Variants in CHST11 observed in about 807,000 individuals in gnomAD.
The protein encoded by CHST11 is carbohydrate sulfotransferase 11.
CHST11 carries 9 observed loss-of-function variants against 30.4 expected under a neutral mutation model. The observed-to-expected ratio is 0.30, with a 90% confidence interval of 0.18 to 0.52. The LOEUF is 0.52. Ranked by LOEUF, CHST11 falls within the 20% of genes least tolerant of loss-of-function variation. The probability of loss-of-function intolerance (pLI) is 0.97; values close to 1 mark genes in which losing one functional copy is unlikely to be tolerated. For synonymous variants in CHST11, 152 were observed against 187.8 expected (o/e 0.81, Z 1.56); for missense variants, 348 against 460.6 (o/e 0.76, Z 2.24).
rs563475167 is a variant in CHST11, at chr12:104,714,860, A to G, written c.205-42089A>G. On this transcript the variant is annotated intron_variant, in intron 2 of 2. Transcript: ENST00000303694. ...TTTCCTCATCTGTAAAATGAGAATGATAACAGTATCCTAGAGTACTCAGTT... is the reference window on the plus strand; with the variant it reads ...TTTCCTCATCTGTAAAATGAGAATGGTAACAGTATCCTAGAGTACTCAGTT... 2.0e-5 allele frequency among the ~76,000 whole-genome samples: 3 copies of G among 152,344 alleles called. No homozygotes were observed. In the South Asian group the frequency reaches 6.2e-4, roughly 32 times the overall value.
intron 2 of CHST11, among the ~76,000 whole-genome samples, chr12:104,719,226 A>G (rs2040155054): frequency 6.6e-6 from 1 of 152,216 alleles, no homozygotes; most frequent in African/African-American, 2.4e-5. Flanking sequence ...CCCAGCTTGA[A>G]TACATGCTCA....
chr12:104,669,354 G>A (rs572612582), intron 2 of CHST11, among the ~76,000 whole-genome samples: 4 of 152,314 alleles, frequency 2.6e-5, no homozygotes, highest in East Asian at 1.9e-4. Context: ...GGTATTTATC[G>A]CTATTTGGAG....
At chr12:104,635,025 C>T (rs1351059004) in intron 2 of CHST11, among the ~76,000 whole-genome samples, 2 of 152,156 alleles carry the variant, frequency 1.3e-5, no homozygotes, top group Non-Finnish European at 2.9e-5. Context: ...AGGCAGCATT[C>T]ACCCTCAGGA....
At chr12:104,493,633 T>A (rs1422195726) in intron 1 of CHST11, among the ~76,000 whole-genome samples, 1 of 152,186 alleles carries the variant, frequency 6.6e-6, no homozygotes, top group Non-Finnish European at 1.5e-5. Flanking sequence ...CTTCCTTCCT[T>A]GCCGTCTCTA....
intron 2 of CHST11, among the ~76,000 whole-genome samples, chr12:104,733,117 C>G (rs1362152140): frequency 6.6e-6 from 1 of 152,244 alleles, no homozygotes; most frequent in East Asian, 1.9e-4. Context: ...TGCACCTTGT[C>G]TCCAGGGTGT....
intron 2 of CHST11, among the ~76,000 whole-genome samples, chr12:104,662,435 G>T (rs1592824138): frequency 6.6e-6 from 1 of 152,190 alleles, no homozygotes; most frequent in Non-Finnish European, 1.5e-5. Flanking sequence ...TATCATTGCG[G>T]TTAGTGATAA....
At chr12:104,708,225 A>C (rs575427669) in intron 2 of CHST11, among the ~76,000 whole-genome samples, 123 of 152,336 alleles carry the variant, frequency 8.1e-4, no homozygotes, top group African/African-American at 2.8e-3. Flanking sequence ...CTTGGGTTCA[A>C]ATCTCCACAG....
At chr12:104,530,202 A>C (rs2038168386) in intron 1 of CHST11, among the ~76,000 whole-genome samples, 1 of 152,180 alleles carries the variant, frequency 6.6e-6, no homozygotes. Context: ...GATACTGGGG[A>C]CAACTTGCAG....
In CHST11 at chr12:104,730,504, G is replaced by A. The variant is rs77846845; in HGVS notation, c.205-26445G>A. Among the ~76,000 whole-genome samples, 867 of 152,278 alleles carry A rather than the reference G, an allele frequency of 5.7e-3. 5 individuals are homozygous for A. The highest frequency in any genetic ancestry group is 9.3e-3 in the Non-Finnish European group (630 of 68,026). On this transcript the variant is annotated intron_variant, in intron 2 of 2. Transcript: ENST00000303694. ...GGCACCAAGAGCTCATGATGGGCCCGGATGGGTATGAAATAGCCTCCTGTG... is the reference window on the plus strand; with the variant it reads ...GGCACCAAGAGCTCATGATGGGCCCAGATGGGTATGAAATAGCCTCCTGTG...
At chr12:104,627,492 C>T (rs915310922) in intron 2 of CHST11, among the ~76,000 whole-genome samples, 3 of 152,198 alleles carry the variant, frequency 2.0e-5, no homozygotes, top group Admixed American at 6.5e-5. Context: ...CAGATCAGCG[C>T]ATACTCTCCC....
chr12:104,751,594 A>G (rs984776093), intron 2 of CHST11, among the ~76,000 whole-genome samples: 5 of 152,236 alleles, frequency 3.3e-5, no homozygotes, highest in Non-Finnish European at 5.9e-5. Flanking sequence ...TGAGATTCCT[A>G]TCCAGGCGTT....
At chr12:104,616,254 T>C (rs1483018209) in intron 2 of CHST11, among the ~76,000 whole-genome samples, 1 of 152,096 alleles carries the variant, frequency 6.6e-6, no homozygotes, top group Non-Finnish European at 1.5e-5. Context: ...GGCTGTACTT[T>C]AGAAGCAAAA....
chr12:104,693,416 C>T (rs894978174), intron 2 of CHST11, among the ~76,000 whole-genome samples: 3 of 152,202 alleles, frequency 2.0e-5, no homozygotes, highest in African/African-American at 4.8e-5. Context: ...CAAATTGGGA[C>T]ACTTTGAGAG....
At chr12:104,639,683 G>T (rs1370849628) in intron 2 of CHST11, among the ~76,000 whole-genome samples, 1 of 152,112 alleles carries the variant, frequency 6.6e-6, no homozygotes, top group Admixed American at 6.5e-5. Context: ...TGCCCTTCAC[G>T]GAATAAGAGT....
chr12:104,502,786 A>T (rs1034111189), intron 1 of CHST11, among the ~76,000 whole-genome samples: 2 of 152,240 alleles, frequency 1.3e-5, no homozygotes, highest in Non-Finnish European at 2.9e-5. Context: ...CTTCAGTTAG[A>T]ATCCAAGCAC....
chr12:104,508,255 T>C (rs1041388510), intron 1 of CHST11, among the ~76,000 whole-genome samples: 3 of 152,150 alleles, frequency 2.0e-5, no homozygotes, highest in Non-Finnish European at 4.4e-5. Flanking sequence ...ACTGTTTGGG[T>C]TTAAAGCTGG....
intron 2 of CHST11, among the ~76,000 whole-genome samples, chr12:104,753,935 G>C (rs1314650503): frequency 1.3e-5 from 2 of 152,240 alleles, no homozygotes; most frequent in African/African-American, 4.8e-5. Context: ...AGGAAACAAA[G>C]GCCAAGAAAG....
chr12:104,637,342 T>A (rs373252962), intron 2 of CHST11, among the ~76,000 whole-genome samples: 2 of 16,508 alleles, frequency 1.2e-4, no homozygotes, highest in African/African-American at 5.6e-4. Flanking sequence ...AAAAGGGGGT[T>A]GGGGGAGGGG....
At chr12:104,551,412 G>C (rs1046399011) in intron 1 of CHST11, among the ~76,000 whole-genome samples, 1 of 152,012 alleles carries the variant, frequency 6.6e-6, no homozygotes, top group Non-Finnish European at 1.5e-5. Context: ...GTGACTGCTT[G>C]CTTTTGTAAG....
Sources: allele counts gnomAD v4.1 joint callset (sites outside exome capture counted in the v4.1 genomes callset), GRCh38; gene constraint gnomAD v4.1.1; transcripts MANE v1.5; gene names NCBI Gene and HGNC (gene_info 2026-07-23, HGNC 2026-07-21).